FNBP1: variants seen among roughly 807,000 people sequenced by gnomAD.
The protein encoded by FNBP1 is formin-binding protein 1.
A neutral mutation model predicts 90.6 loss-of-function variants in FNBP1; 26 were observed. The ratio of observed to expected loss-of-function variants is 0.29; its 90% confidence interval spans 0.21 to 0.40. The LOEUF (loss-of-function observed/expected upper bound fraction) is 0.40, where lower values mean the gene tolerates loss of function less well. FNBP1 is among the 10% of genes least tolerant of loss of function. The pLI is 1.00. For synonymous variants in FNBP1, 260 were observed against 265.2 expected, an observed-to-expected ratio of 0.98 and a Z score of 0.19; for missense variants, 635 against 768.0, an observed-to-expected ratio of 0.83 and a Z score of 2.05.
chr9:129,907,580 G>GGGGTGTGTGTGTGTGT (rs942734835), intron 12 of FNBP1, among the ~76,000 whole-genome samples: 34 of 147,204 alleles, frequency 2.3e-4, no homozygotes, highest in African/African-American at 7.5e-4. Flanking sequence ...TAGGAGTGAG[G>GGGGTGTGTGTGTGTGT]GTGTGTGTGT....
At position 129,888,719 on chromosome 9, in the gene FNBP1, C is replaced by T. The variant is rs928918719; in HGVS notation, c.*1820G>A. On this transcript the variant is annotated 3_prime_UTR_variant, in exon 17 of 17. Transcript: ENST00000446176. Reference sequence around the variant, plus strand: ...CAGCGTCTCTGCGCTTGTGGTTTCTCGTCCCCGAGGGCTGACTGAGCTGCT... The same window carrying T: ...CAGCGTCTCTGCGCTTGTGGTTTCTTGTCCCCGAGGGCTGACTGAGCTGCT... 11 of 233,180 alleles carry T rather than the reference C, an allele frequency of 4.7e-5. No individual in the cohort carries two copies. Among genetic ancestry groups the T allele is most frequent in the Middle Eastern group, 1.2e-3 (1 of 808 alleles). The allele number at this position is 233,180 out of a possible 1,614,324, so 14.4% of individuals were successfully genotyped here. A position where few individuals can be genotyped will look rare whatever the true frequency, so the allele number is the denominator to read the frequency against.
At chr9:129,932,892 G>GAGCCC (rs974333615) in intron 6 of FNBP1, among the ~76,000 whole-genome samples, 5 of 151,842 alleles carry the variant, frequency 3.3e-5, no homozygotes, top group Admixed American at 2.0e-4. Flanking sequence ...TCTGTTCCCC[G>GAGCCC]AGCCCGTCCA....
intron 1 of FNBP1, among the ~76,000 whole-genome samples, chr9:130,009,889 G>T (rs1029590263): frequency 6.8e-6 from 1 of 148,016 alleles, no homozygotes; most frequent in Non-Finnish European, 1.5e-5. Flanking sequence ...TGAGGCAAGA[G>T]AATCCATTGA....
At chr9:129,986,525 C>G (rs978406597) in intron 2 of FNBP1, among the ~76,000 whole-genome samples, 8 of 152,134 alleles carry the variant, frequency 5.3e-5, no homozygotes, top group Admixed American at 1.3e-4. Context: ...GGCGTGGTGG[C>G]TCACGCCTGT....
rs2035636786 is a variant in FNBP1 at position 129,895,890 on chromosome 9, C to T, written c.1794G>A (p.Glu598=). 3.7e-6 allele frequency: 6 copies of T among 1,613,572 alleles called. No individual in the cohort carries two copies. Among genetic ancestry groups the T allele is most frequent in the Non-Finnish European group, 4.2e-6 (5 of 1,179,822 alleles). The stretch of plus-strand genomic sequence containing the variant: ...CGACATATGAAGTGGGGACATAACC[C>T]TCTTCATCTTCATTTCTCCGAATGC... ...WTRIRRNEDE[E]GYVPTSYVEV... Residue 598 remains glutamate (E), a synonymous_variant, in exon 16 of 17, where the codon GAG becomes GAA. Transcript: ENST00000446176.
intron 1 of FNBP1, among the ~76,000 whole-genome samples, chr9:130,004,638 G>A (rs2055385469): frequency 6.6e-6 from 1 of 152,204 alleles, no homozygotes; most frequent in South Asian, 2.1e-4. Context: ...TCAAACTGTG[G>A]AGGAAAATGT....
At chr9:130,051,155 C>T in the FNBP1 span, among the ~76,000 whole-genome samples, 1 of 152,092 alleles carries the variant, frequency 6.6e-6, no homozygotes, top group Non-Finnish European at 1.5e-5. Flanking sequence ...CTGACCTCAG[C>T]CTCCCAAAGT....
intron 15 of FNBP1, among the ~76,000 whole-genome samples, chr9:129,896,785 C>T (rs978482686): frequency 3.3e-5 from 5 of 152,140 alleles, no homozygotes; most frequent in Admixed American, 6.6e-5. Flanking sequence ...GCATGTGCCA[C>T]CACGCCCGGC....
chr9:130,050,911 T>A, the FNBP1 span, among the ~76,000 whole-genome samples: 1 of 151,704 alleles, frequency 6.6e-6, no homozygotes, highest in Admixed American at 6.6e-5. Flanking sequence ...CTAATTTTTT[T>A]TTTTTTTGAG....
chr9:129,894,047 C>T (rs1373243901), intron 16 of FNBP1, among the ~76,000 whole-genome samples: 2 of 152,218 alleles, frequency 1.3e-5, no homozygotes, highest in Non-Finnish European at 1.5e-5. Context: ...GAATGTGCAG[C>T]TACTGCTTGG....
chr9:129,999,267 C>T lies in FNBP1; in HGVS notation c.25-4309G>A, dbSNP rs142377555. On this transcript the variant is annotated intron_variant, in intron 1 of 16. Transcript: ENST00000446176. ...TCCCTTCCTGCCTGATGTCACATCA[C>T]GGTGGTTCTGGGGGCCCCTTTGCCC... 6.4e-3 allele frequency among the ~76,000 whole-genome samples: 970 copies of T among 152,222 alleles called. 3 individuals are homozygous for T. The highest frequency in any genetic ancestry group is 0.014 in the East Asian group (73 of 5,180).
chr9:130,032,936 A>T (rs2058932630), intron 1 of FNBP1, among the ~76,000 whole-genome samples: 1 of 152,190 alleles, frequency 6.6e-6, no homozygotes. Flanking sequence ...TTTCCTGTCC[A>T]AAGCAACGAT....
chr9:129,924,912 CAA>C (rs1194330608), intron 9 of FNBP1, 46 bp downstream of exon 9: 3 of 1,492,186 alleles, frequency 2.0e-6, no homozygotes, highest in Non-Finnish European at 2.7e-6. Flanking sequence ...AAGATCAAGT[CAA>C]AATCTCCACA....
chr9:130,041,589 T>C lies in FNBP1; in HGVS notation c.24+1363A>G, dbSNP rs985163218. Among the ~76,000 whole-genome samples the C allele has an allele frequency of 2.6e-5, 4 of 152,238 alleles. No individual in the cohort carries two copies. The highest frequency in any genetic ancestry group is 4.8e-5 in the African/African-American group (2 of 41,456). On this transcript the variant is annotated intron_variant, in intron 1 of 16. Coordinates refer to ENST00000446176, the MANE Select transcript of FNBP1 (RefSeq NM_015033.3). This position sits in a 1 kb window ranked among gnomAD's most constrained non-coding sequence, Gnocchi z 4.3. Reference sequence around the variant, plus strand: ...TGTGCAAATATTTTAAACTATTTTATTTTCAAAATGGATACTTGTAAACAT... The same window carrying C: ...TGTGCAAATATTTTAAACTATTTTACTTTCAAAATGGATACTTGTAAACAT...
chr9:129,898,628 T>C (rs2036245277), intron 15 of FNBP1, among the ~76,000 whole-genome samples: 1 of 152,152 alleles, frequency 6.6e-6, no homozygotes, highest in African/African-American at 2.4e-5. Context: ...TAGCTGGAAT[T>C]ACAGGCATGC....
chr9:129,888,176 A>C lies in FNBP1; in HGVS notation c.*2363T>G. 1 of 232,984 alleles carries C rather than the reference A, an allele frequency of 4.3e-6. No individual in the cohort carries two copies. Among genetic ancestry groups the C allele is most frequent in the African/African-American group, 2.2e-5 (1 of 45,454 alleles). The allele number at this position is 232,984 out of a possible 1,614,324, so 14.4% of individuals were successfully genotyped here. A position where few individuals can be genotyped will look rare whatever the true frequency, so the allele number is the denominator to read the frequency against. On this transcript the variant is annotated 3_prime_UTR_variant, in exon 17 of 17. Transcript: ENST00000446176. ...TGGGGGTGACGGTCATTCAAAGAGC[A>C]AATTACTGCAGCTTATATCTTTTCC...
chr9:130,035,203 T>C (rs942500703), intron 1 of FNBP1, among the ~76,000 whole-genome samples: 14 of 152,128 alleles, frequency 9.2e-5, no homozygotes, highest in African/African-American at 3.4e-4. Flanking sequence ...TCCTTTAGGG[T>C]CCACCTCATC....
At chr9:129,916,078 TCA>T in intron 10 of FNBP1, 98 bp from the exon 11 acceptor site, 1 of 831,498 alleles carries the variant, frequency 1.2e-6, no homozygotes, top group Non-Finnish European at 2.0e-6. Flanking sequence ...AGGAACTTGG[TCA>T]GTTCCGCCAT....
At chr9:129,993,591 C>A (rs1196145684) in intron 2 of FNBP1, among the ~76,000 whole-genome samples, 2 of 149,140 alleles carry the variant, frequency 1.3e-5, no homozygotes, top group African/African-American at 4.9e-5. Context: ...GCTGGGATTG[C>A]AGGCATGAGC....
Sources: gnomAD v4.1 joint callset for allele counts (sites outside exome capture counted in the v4.1 genomes callset) on GRCh38, gnomAD v4.1.1 for gene constraint, Gnocchi (gnomAD v3.1) non-coding constraint, MANE v1.5 for transcripts, NCBI Gene and HGNC (gene_info 2026-07-23, HGNC 2026-07-21) for gene names.